PLAGL1: variants seen among roughly 807,000 people sequenced by gnomAD.
The protein encoded by PLAGL1 is zinc finger protein PLAGL1.
PLAGL1 carries 1 observed loss-of-function variant against 4.6 expected under a neutral mutation model. The observed-to-expected ratio is 0.22, with a 90% CI of 0.08 to 1.03. The LOEUF (loss-of-function observed/expected upper bound fraction) is 1.03, where lower values mean the gene tolerates loss of function less well. PLAGL1 is among the 50% of genes least tolerant of loss of function. The pLI is 0.58. For missense variants in PLAGL1, 464 were observed against 570.4 expected (o/e 0.81, Z 1.90); for synonymous variants, 240 against 237.8 (o/e 1.01, Z -0.08).
At chr6:144,037,667 C>T (rs928214725) in intron 1 of PLAGL1, 6 of 150,362 alleles carry the variant, frequency 4.0e-5, no homozygotes, top group Non-Finnish European at 8.9e-5. Context: ...AGTTTCATTT[C>T]TTTTAAGGAA....
At chr6:144,054,636 T>C (rs1397189571) in intron 1 of PLAGL1, among the ~76,000 whole-genome samples, 1 of 151,836 alleles carries the variant, frequency 6.6e-6, no homozygotes, top group Non-Finnish European at 1.5e-5. Flanking sequence ...TTAAGACAAA[T>C]ACCTAATGCA....
At chr6:144,047,141 C>T (rs962283865) in intron 1 of PLAGL1, among the ~76,000 whole-genome samples, 30 of 152,222 alleles carry the variant, frequency 2.0e-4, no homozygotes, top group African/African-American at 7.2e-4. Flanking sequence ...TCCCCCAACC[C>T]CTTGCACTTC....
In PLAGL1 at chr6:143,942,074, C is replaced by T; in HGVS notation, c.742G>A (p.Ala248Thr). 6.2e-7 allele frequency: 1 copy of T among 1,613,404 alleles called. No individual in the cohort carries two copies. The highest frequency in any genetic ancestry group is 1.1e-5 in the South Asian group (1 of 90,976). The change falls in exon 8 of 8, where the codon GCC becomes ACC. Residue 248 changes from alanine (A) to threonine (T), a missense_variant. Around this residue, in one of 4 missense-constraint regions of PLAGL1, gnomAD observed 248 missense variants for 250.1 expected, o/e 0.99. Transcript: ENST00000674357. This position sits in a 1 kb window ranked among gnomAD's most constrained non-coding sequence, Gnocchi z 7.6. ...AAGCTACTTGCAAGCCCGTTCTGGG[C>T]AGAAGCTCCTAAAGGGAAAGGAGGC... ...ALPPFPLGASAQNGLASSLPA... is the reference protein window; with the variant it reads ...ALPPFPLGASTQNGLASSLPA...
rs1271306201 is a variant in PLAGL1, at chr6:143,975,587, G to A, written c.-543-6609C>T. Among the ~76,000 whole-genome samples, 1 of 152,074 alleles carries A rather than the reference G, an allele frequency of 6.6e-6. No individual in the cohort carries two copies. The highest frequency in any genetic ancestry group is 1.5e-5 in the Non-Finnish European group (1 of 67,972). Reference sequence around the variant, plus strand: ...AGGAAAAATTTCTTTTAAAGAAAAAGACATAAAATTTAACATTCAGTCTCT... The same window carrying A: ...AGGAAAAATTTCTTTTAAAGAAAAAAACATAAAATTTAACATTCAGTCTCT... On this transcript the variant is annotated intron_variant, in intron 2 of 7. Coordinates refer to ENST00000674357, the MANE Select transcript of PLAGL1 (RefSeq NM_001317162.2). This position sits in a 1 kb window ranked among gnomAD's most constrained non-coding sequence, Gnocchi z 5.8.
intron 1 of PLAGL1, among the ~76,000 whole-genome samples, chr6:144,018,676 A>G (rs1795736109): frequency 6.6e-6 from 1 of 152,202 alleles, no homozygotes; most frequent in South Asian, 2.1e-4. Flanking sequence ...AATTTTTTTA[A>G]AAGTGATGTT....
At chr6:144,060,784 C>G (rs1799326572) in intron 1 of PLAGL1, among the ~76,000 whole-genome samples, 1 of 152,076 alleles carries the variant, frequency 6.6e-6, no homozygotes, top group South Asian at 2.1e-4. Context: ...ATCCATGGTC[C>G]CCTCCCCGAC....
chr6:144,021,021 G>A (rs1795941804), intron 1 of PLAGL1, among the ~76,000 whole-genome samples: 1 of 151,228 alleles, frequency 6.6e-6, no homozygotes, highest in Non-Finnish European at 1.5e-5. Context: ...GGAGGTTAGG[G>A]AATGTGCCAA....
At chr6:144,018,458 T>G (rs980585764) in intron 1 of PLAGL1, among the ~76,000 whole-genome samples, 1 of 152,176 alleles carries the variant, frequency 6.6e-6, no homozygotes, top group African/African-American at 2.4e-5. Context: ...AGATTTCCAG[T>G]GTACACTATG....
chr6:144,035,081 T>G (rs995121823), intron 1 of PLAGL1, among the ~76,000 whole-genome samples: 1 of 152,174 alleles, frequency 6.6e-6, no homozygotes, highest in African/African-American at 2.4e-5. Flanking sequence ...AAGTTTTTCA[T>G]ACTAAAATGT....
At chr6:144,038,010 G>C (rs1466023721) in intron 1 of PLAGL1, among the ~76,000 whole-genome samples, 1 of 152,186 alleles carries the variant, frequency 6.6e-6, no homozygotes, top group Non-Finnish European at 1.5e-5. Context: ...TGAAAAAAAT[G>C]AGCAAAGTCT....
intron 1 of PLAGL1, among the ~76,000 whole-genome samples, chr6:144,018,667 A>T (rs1375440085): frequency 2.0e-5 from 3 of 152,158 alleles, no homozygotes; most frequent in African/African-American, 7.2e-5. Flanking sequence ...AAGAAAAATA[A>T]TTTTTTTAAA....
In PLAGL1 at chr6:143,948,974, A is replaced by G. The variant is rs571759845; in HGVS notation, c.-324-514T>C. 3.3e-5 allele frequency among the ~76,000 whole-genome samples: 5 copies of G among 152,266 alleles called. No homozygotes were observed. Among genetic ancestry groups the G allele is most frequent in the Admixed American group, 3.3e-4 (5 of 15,304 alleles). On this transcript the variant is annotated intron_variant, in intron 6 of 7. Coordinates refer to ENST00000674357, the MANE Select transcript of PLAGL1 (RefSeq NM_001317162.2). This position sits in a 1 kb window ranked among gnomAD's most constrained non-coding sequence, Gnocchi z 6.0. The stretch of plus-strand genomic sequence containing the variant: ...AAATAATTTGTATACACCTAAGTCA[A>G]TTTGTTTGTAAGATTACTCTGCAGA...
chr6:144,054,671 G>A (rs930618579), intron 1 of PLAGL1, among the ~76,000 whole-genome samples: 4 of 145,220 alleles, frequency 2.8e-5, no homozygotes, highest in African/African-American at 5.4e-5. Context: ...CCTAGATGAC[G>A]GGTTGATAGT....
chr6:143,944,169 A>T (rs1451770926), intron 7 of PLAGL1, among the ~76,000 whole-genome samples: 1 of 152,202 alleles, frequency 6.6e-6, no homozygotes, highest in East Asian at 1.9e-4. Context: ...AGATTTTCTA[A>T]CAACTCATTC....
At position 144,056,881 on chromosome 6, in the gene PLAGL1, A is replaced by G. The variant is rs1302645643; in HGVS notation, c.-151+7587T>C. On this transcript the variant is annotated intron_variant, in intron 1 of 3. Transcript: ENST00000437412. This position sits in a 1 kb window ranked among gnomAD's most constrained non-coding sequence, Gnocchi z 4.7. ...CCCAGGTGTTGCCCAGGCTGCTCTC[A>G]AACTCCCAGGCTCAAGCAATCCTCC... 6.6e-6 allele frequency among the ~76,000 whole-genome samples: 1 copy of G among 151,930 alleles called. No homozygotes were observed. The highest frequency in any genetic ancestry group is 1.5e-5 in the Non-Finnish European group (1 of 68,002).
At chr6:143,981,711 T>C (rs1395194277) in intron 2 of PLAGL1, among the ~76,000 whole-genome samples, 1 of 152,176 alleles carries the variant, frequency 6.6e-6, no homozygotes, top group Non-Finnish European at 1.5e-5. Flanking sequence ...TTCCTGTTAT[T>C]ACAAGATGGC....
rs1004445579 is a variant in PLAGL1, at chr6:144,015,893, G to C, written c.-150-46915C>G. Among the ~76,000 whole-genome samples the C allele has an allele frequency of 3.3e-5, 5 of 152,092 alleles. No individual in the cohort carries two copies. Among genetic ancestry groups the C allele is most frequent in the Non-Finnish European group, 5.9e-5 (4 of 68,004 alleles). ...TCAGTCTTAGGTATTTTATCCAAGA[G>C]AAATGATAACATGTCTGTGGAAAGA... On this transcript the variant is annotated intron_variant, in intron 1 of 3. Transcript: ENST00000437412. The surrounding 1 kb of genome is among the most constrained non-coding windows in gnomAD (Gnocchi z 4.3).
chr6:143,996,287 T>C (rs1188556901), intron 1 of PLAGL1, among the ~76,000 whole-genome samples: 1 of 152,186 alleles, frequency 6.6e-6, no homozygotes, highest in Non-Finnish European at 1.5e-5. Flanking sequence ...TCTGCATGTA[T>C]GATTACAAGC....
At position 143,971,233 on chromosome 6, in the gene PLAGL1, C is replaced by A. The variant is rs1402354292; in HGVS notation, c.-543-2255G>T. 9.2e-5 allele frequency among the ~76,000 whole-genome samples: 14 copies of A among 152,024 alleles called. No homozygotes were observed. The highest frequency in any genetic ancestry group is 1.9e-4 in the Non-Finnish European group (13 of 68,004). ...GCTGACCCGACGTTATTTGTACAAC[C>A]CATACAAATGCCCCTTCCTCTACGA... On this transcript the variant is annotated intron_variant, in intron 2 of 7. Transcript: ENST00000674357. This position sits in a 1 kb window ranked among gnomAD's most constrained non-coding sequence, Gnocchi z 4.7.
Sources: allele counts gnomAD v4.1 joint callset (sites outside exome capture counted in the v4.1 genomes callset), GRCh38; gene constraint gnomAD v4.1.1; regional missense constraint gnomAD v4.1.1; non-coding constraint Gnocchi (gnomAD v3.1); transcripts MANE v1.5; gene names NCBI Gene and HGNC (gene_info 2026-07-23, HGNC 2026-07-21).